Variants in ATG3 observed in about 807,000 individuals in gnomAD.
ATG3 encodes the protein ubiquitin-like-conjugating enzyme ATG3.
A neutral mutation model predicts 50.7 loss-of-function variants in ATG3; 25 were observed. That is an observed-to-expected ratio of 0.49 (90% CI 0.36 to 0.69). The LOEUF (loss-of-function observed/expected upper bound fraction) is 0.69, where lower values mean the gene tolerates loss of function less well. ATG3 is among the 30% of genes least tolerant of loss of function. ATG3 has a pLI of 0.00. For missense variants in ATG3, 281 were observed against 376.0 expected, an observed-to-expected ratio of 0.75 and a Z score of 2.09; for synonymous variants, 119 against 125.5, an observed-to-expected ratio of 0.95 and a Z score of 0.34.
At chr3:112,539,174 G>A (rs1933156802) in intron 7 of ATG3, among the ~76,000 whole-genome samples, 1 of 152,006 alleles carries the variant, frequency 6.6e-6, no homozygotes. Flanking sequence ...TCTCCCTTCA[G>A]TCTATTCTCA....
intron 8 of ATG3, 77 bp downstream of exon 8, chr3:112,538,069 C>G: frequency 1.6e-6 from 2 of 1,279,072 alleles, no homozygotes; most frequent in Non-Finnish European, 2.2e-6. Flanking sequence ...TTTGAAAGAT[C>G]AATATATTAT....
In ATG3 at chr3:112,557,631, A is replaced by T. The variant is rs560029851; in HGVS notation, c.114+745T>A. On this transcript the variant is annotated intron_variant, in intron 2 of 11. Transcript: ENST00000283290. ...GACTCCGTCTCAAGAAAAAAAAATT[A>T]AAAAAACCACAAAGATTTGGAACTA... 6.1e-4 allele frequency among the ~76,000 whole-genome samples: 93 copies of T among 152,266 alleles called. 1 individual carries two copies. The highest frequency in any genetic ancestry group is 3.4e-3 in the Middle Eastern group (1 of 294).
chr3:112,532,904 A>G, intron 11 of ATG3, 124 bp from the exon 12 acceptor site: 1 of 1,312,066 alleles, frequency 7.6e-7, no homozygotes, highest in Non-Finnish European at 9.7e-7. Flanking sequence ...TCTTAAATTA[A>G]GTCTATTAAA....
intron 5 of ATG3, among the ~76,000 whole-genome samples, chr3:112,545,341 T>C (rs1933343352): frequency 1.3e-5 from 2 of 152,238 alleles, no homozygotes; most frequent in South Asian, 4.1e-4. Context: ...TACTTCAAAG[T>C]ACCTGTCAAT....
intron 5 of ATG3, among the ~76,000 whole-genome samples, chr3:112,545,091 T>C (rs1373377709): frequency 6.6e-6 from 1 of 152,210 alleles, no homozygotes; most frequent in Non-Finnish European, 1.5e-5. Flanking sequence ...ATCCTCACAA[T>C]GACTATCTTA....
At chr3:112,549,817 A>C (rs1030127953) in intron 4 of ATG3, among the ~76,000 whole-genome samples, 4 of 150,436 alleles carry the variant, frequency 2.7e-5, no homozygotes, top group African/African-American at 7.3e-5. Flanking sequence ...AAAAAAAAAA[A>C]CCACTACCTG....
intron 11 of ATG3, chr3:112,534,004 C>T (rs1189585019): frequency 6.7e-6 from 8 of 1,191,910 alleles, no homozygotes; most frequent in Non-Finnish European, 7.3e-6. Flanking sequence ...GAAAAAGATA[C>T]TCATATTATT....
At chr3:112,552,917 A>G (rs1276310709) in intron 3 of ATG3, among the ~76,000 whole-genome samples, 1 of 152,148 alleles carries the variant, frequency 6.6e-6, no homozygotes, top group Non-Finnish European at 1.5e-5. Context: ...AAGTGCTGGG[A>G]TTACAGGTGT....
At chr3:112,548,480 T>G in intron 5 of ATG3, 53 bp downstream of exon 5, 1 of 1,406,168 alleles carries the variant, frequency 7.1e-7, no homozygotes, top group Non-Finnish European at 1.0e-6. Flanking sequence ...TTATAAAAGA[T>G]TGTGAAAGAG....
chr3:112,554,095 T>A (rs1196732184), intron 2 of ATG3, among the ~76,000 whole-genome samples: 2 of 152,218 alleles, frequency 1.3e-5, no homozygotes, highest in African/African-American at 4.8e-5. Flanking sequence ...TACACGAACA[T>A]GAGCTGATCT....
At chr3:112,556,616 G>A (rs1285634793) in intron 2 of ATG3, among the ~76,000 whole-genome samples, 1 of 152,210 alleles carries the variant, frequency 6.6e-6, no homozygotes. Context: ...TTGAGAAATC[G>A]GATGGTTGCC....
chr3:112,553,042 T>G (rs528992725), intron 3 of ATG3, among the ~76,000 whole-genome samples: 1 of 152,204 alleles, frequency 6.6e-6, no homozygotes, highest in Admixed American at 6.5e-5. Context: ...GTAAAGGAAG[T>G]AAATGCATTT....
Position 112,561,566 on chromosome 3 carries a change from G to A in ATG3, c.-38C>T, listed in dbSNP as rs1933883602. ...GTAGCGGCCGGCCCCGCGACGGGAT[G>A]GAAAGTGCAGCCGTGTCAGGGGCCA... On this transcript the variant is annotated 5_prime_UTR_variant, in exon 1 of 12. Transcript: ENST00000283290. 1 of 1,594,890 alleles carries A rather than the reference G, an allele frequency of 6.3e-7. No individual in the cohort carries two copies. The highest frequency in any genetic ancestry group is 1.7e-5 in the Admixed American group (1 of 59,148).
chr3:112,549,359 T>C (rs1933464082), intron 4 of ATG3, among the ~76,000 whole-genome samples: 1 of 152,178 alleles, frequency 6.6e-6, no homozygotes, highest in African/African-American at 2.4e-5. Context: ...AAAAGAAATA[T>C]GCTGTAGAAA....
chr3:112,547,660 G>C (rs948261718), intron 5 of ATG3, among the ~76,000 whole-genome samples: 1 of 152,140 alleles, frequency 6.6e-6, no homozygotes, highest in Non-Finnish European at 1.5e-5. Context: ...ATAACTCATA[G>C]AAACACTTAT....
chr3:112,555,341 C>T (rs969133023), intron 2 of ATG3, among the ~76,000 whole-genome samples: 1 of 152,148 alleles, frequency 6.6e-6, no homozygotes. Flanking sequence ...ATCAATATTG[C>T]TTGCAATAGC....
In ATG3 at chr3:112,558,419, TA is replaced by T; in HGVS notation, c.73-3del. 10 of 1,594,338 alleles carry T rather than the reference TA, an allele frequency of 6.3e-6. No individual in the cohort carries two copies. The highest frequency in any genetic ancestry group is 1.1e-5 in the South Asian group (1 of 90,386). On this transcript the variant is annotated splice_region_variant and splice_polypyrimidine_tract_variant and intron_variant, in intron 1 of 11. Transcript: ENST00000283290. Reference sequence around the variant, plus strand: ...ACCTGTTTCCTTAAACTTTGATTCCTAAAAAAAGCAGAAAGAAAAACAATAT... The same window carrying T: ...ACCTGTTTCCTTAAACTTTGATTCCTAAAAAAGCAGAAAGAAAAACAATAT...
At chr3:112,536,654 G>A (rs774178552) in intron 9 of ATG3, 52 bp from the exon 10 acceptor site, 8 of 1,594,742 alleles carry the variant, frequency 5.0e-6, no homozygotes, top group Non-Finnish European at 6.8e-6. Context: ...GGGTGCAGTG[G>A]CTCACGCCTG....
rs1294803636 is a variant in ATG3, at chr3:112,541,899, A to G, written c.394-15T>C. The G allele has an allele frequency of 6.3e-7, 1 of 1,589,352 alleles. No individual in the cohort carries two copies. Among genetic ancestry groups the G allele is most frequent in the Non-Finnish European group, 8.6e-7 (1 of 1,161,046 alleles). On this transcript the variant is annotated splice_polypyrimidine_tract_variant and intron_variant, in intron 6 of 11. Transcript: ENST00000283290. ...CTTATATTGTCCTTTGAAATTAATT[A>G]TATTTAAAATCACTTAAGTATATAC...
Sources: allele counts gnomAD v4.1 joint callset (sites outside exome capture counted in the v4.1 genomes callset), GRCh38; gene constraint gnomAD v4.1.1; transcripts MANE v1.5; gene names NCBI Gene and HGNC (gene_info 2026-07-23, HGNC 2026-07-21).